PTPN6: variants seen among roughly 807,000 people sequenced by gnomAD.
PTPN6 encodes protein tyrosine phosphatase non-receptor type 6.
PTPN6 carries 18 observed loss-of-function variants against 81.5 expected under a neutral mutation model. The ratio of observed to expected loss-of-function variants is 0.22; its 90% CI spans 0.15 to 0.33. The LOEUF is 0.33. Among genes scored for constraint, PTPN6 ranks in the 10% least tolerant of loss-of-function variants. The pLI, the probability that PTPN6 is intolerant of heterozygous loss-of-function variation, is 1.00. For synonymous variants in PTPN6, 301 were observed against 310.9 expected, an observed-to-expected ratio of 0.97 and a Z score of 0.33; for missense variants, 500 against 794.2, an observed-to-expected ratio of 0.63 and a Z score of 4.45.
In PTPN6 at chr12:6,955,025, G is replaced by A. The variant is rs781839508; in HGVS notation, c.516+31G>A. ...GCAGCCAGGCGGCGGGGGAGCCTCTGCTGAGGCTCCTGTCTGTGACCACAG... is the reference window on the plus strand; with the variant it reads ...GCAGCCAGGCGGCGGGGGAGCCTCTACTGAGGCTCCTGTCTGTGACCACAG... On this transcript the variant is annotated intron_variant, in intron 4 of 15. Coordinates refer to ENST00000318974, the MANE Select transcript of PTPN6 (RefSeq NM_002831.6). The surrounding 1 kb of genome is among the most constrained non-coding windows in gnomAD (Gnocchi z 7.2). 3.7e-6 allele frequency: 6 copies of A among 1,613,100 alleles called. No homozygotes were observed. The African/African-American group carries it at 4.0e-5, about 11-fold the overall frequency.
In PTPN6 at chr12:6,956,821, G is replaced by A. The variant is rs781887181; in HGVS notation, c.1074+253G>A. Among the ~76,000 whole-genome samples the A allele has an allele frequency of 6.6e-6, 1 of 151,906 alleles. No individual in the cohort carries two copies. Among genetic ancestry groups the A allele is most frequent in the African/African-American group, 2.4e-5 (1 of 41,392 alleles). On this transcript the variant is annotated intron_variant, in intron 9 of 15. Transcript: ENST00000318974. This position sits in a 1 kb window ranked among gnomAD's most constrained non-coding sequence, Gnocchi z 4.1. ...CCTTCCTCCTACCCCTGCCCCACCT[G>A]TCTGCATCCAGGCCCCTCCTGTCCT...
Position 6,951,496 on chromosome 12 carries a change from C to T in PTPN6, c.-17C>T. 6.2e-7 allele frequency: 1 copy of T among 1,613,900 alleles called. No homozygotes were observed. Among genetic ancestry groups the T allele is most frequent in the African/African-American group, 1.3e-5 (1 of 75,034 alleles). Reference sequence around the variant, plus strand: ...TCCTCATTCCCTGCGCCCCCTTCCTCTCCGGAAGCCCCCAGGATGGTGAGG... The same window carrying T: ...TCCTCATTCCCTGCGCCCCCTTCCTTTCCGGAAGCCCCCAGGATGGTGAGG... On this transcript the variant is annotated 5_prime_UTR_variant, in exon 1 of 16. Transcript: ENST00000318974. The surrounding 1 kb of genome is among the most constrained non-coding windows in gnomAD (Gnocchi z 7.2).
Position 6,960,417 on chromosome 12 carries a change from C to G in PTPN6, c.1655C>G (p.Ala552Gly). The G allele has an allele frequency of 6.2e-7, 1 of 1,613,812 alleles. No homozygotes were observed. Among genetic ancestry groups the G allele is most frequent in the Non-Finnish European group, 8.5e-7 (1 of 1,179,994 alleles). The change falls in exon 14 of 16, where the codon GCC (alanine) becomes GGC (glycine). Residue 552 changes from alanine to glycine, a missense_variant. Physicochemically the swap from Ala to Gly is moderately conservative, Grantham distance 60. Coordinates refer to ENST00000318974, the MANE Select transcript of PTPN6 (RefSeq NM_002831.6). This position sits in a 1 kb window ranked among gnomAD's most constrained non-coding sequence, Gnocchi z 6.1. ...PPAMKNAHAK[A>G]SRTSSKHKED... ...GCCATGAAGAATGCCCATGCCAAGG[C>G]CTCCCGCACCTCGTCCAAGTGAGTG...
chr12:6,948,771 TCAACTAAAGATA>T (rs1269850921), upstream of PTPN6, among the ~76,000 whole-genome samples: 2 of 151,270 alleles, frequency 1.3e-5, no homozygotes, highest in Non-Finnish European at 2.9e-5. Context: ...AAACCCTGTC[TCAACTAAAGATA>T]CAAAAAAAAA....
Position 6,956,021 on chromosome 12 carries a change from C to T in PTPN6, c.845-121C>T. On this transcript the variant is annotated intron_variant, in intron 7 of 15. Coordinates refer to ENST00000318974, the MANE Select transcript of PTPN6 (RefSeq NM_002831.6). This position sits in a 1 kb window ranked among gnomAD's most constrained non-coding sequence, Gnocchi z 4.1. ...ATCCCCCACCCCTGCTGCCCACAGT[C>T]CCCCGCAAGCCTCATGGCTTCTGAG... The T allele has an allele frequency of 9.9e-7, 1 of 1,015,102 alleles. No homozygotes were observed. Among genetic ancestry groups the T allele is most frequent in the Admixed American group, 1.9e-5 (1 of 51,446 alleles). The allele number at this position is 1,015,102 out of a possible 1,614,324, so 62.9% of individuals were successfully genotyped here.
rs782258923 is a variant in PTPN6 at position 6,951,672 on chromosome 12, C to T, written c.72C>T (p.His24=). 2.2e-5 allele frequency: 35 copies of T among 1,613,816 alleles called. No homozygotes were observed. The East Asian group carries it at 2.2e-4, about 10-fold the overall frequency. ...CCCTGCTCAAGGGCCGAGGTGTCCA[C>T]GGTAGCTTCCTGGCTCGGCCCAGTC... ...AETLLKGRGV[H]GSFLARPSRK... Residue 24 remains histidine (H), a synonymous_variant, in exon 2 of 16, where the codon CAC becomes CAT. Transcript: ENST00000318974. The surrounding 1 kb of genome is among the most constrained non-coding windows in gnomAD (Gnocchi z 7.2).
rs782608226 is a variant in PTPN6, at chr12:6,960,027, G to A, written c.1429+33G>A. On this transcript the variant is annotated intron_variant, in intron 12 of 15. Transcript: ENST00000318974. The surrounding 1 kb of genome is among the most constrained non-coding windows in gnomAD (Gnocchi z 6.1). ...GCACCTGGGGGTTTGGGGGTGGGGG[G>A]TGAGCAGCCCCTCGGTGTCCGCCTA... 6.2e-7 allele frequency: 1 copy of A among 1,611,890 alleles called. No homozygotes were observed. The highest frequency in any genetic ancestry group is 1.1e-5 in the South Asian group (1 of 91,048).
In PTPN6 at chr12:6,956,023, C is replaced by A. The variant is rs1946023602; in HGVS notation, c.845-119C>A. ...CCCCCACCCCTGCTGCCCACAGTCC[C>A]CCGCAAGCCTCATGGCTTCTGAGAC... On this transcript the variant is annotated intron_variant, in intron 7 of 15. Transcript: ENST00000318974. The surrounding 1 kb of genome is among the most constrained non-coding windows in gnomAD (Gnocchi z 4.1). 9.6e-7 allele frequency: 1 copy of A among 1,043,606 alleles called. No homozygotes were observed. The highest frequency in any genetic ancestry group is 1.5e-6 in the Non-Finnish European group (1 of 679,306). The allele number at this position is 1,043,606 out of a possible 1,614,324, so 64.6% of individuals were successfully genotyped here. A position where few individuals can be genotyped will look rare whatever the true frequency, so the allele number is the denominator to read the frequency against.
Position 6,955,144 on chromosome 12 carries a change from C to T in PTPN6, c.517-7C>T, listed in dbSNP as rs1555148367. On this transcript the variant is annotated splice_polypyrimidine_tract_variant and splice_region_variant and intron_variant, in intron 4 of 15. Transcript: ENST00000318974. This position sits in a 1 kb window ranked among gnomAD's most constrained non-coding sequence, Gnocchi z 7.2. Reference sequence around the variant, plus strand: ...TCCTGTGAATGGCCTAATTTGGCTCCCCCCAGGGTGGACGCTACACAGTGG... The same window carrying T: ...TCCTGTGAATGGCCTAATTTGGCTCTCCCCAGGGTGGACGCTACACAGTGG... 5.0e-6 allele frequency: 8 copies of T among 1,613,916 alleles called. No homozygotes were observed. Among genetic ancestry groups the T allele is most frequent in the African/African-American group, 1.3e-5 (1 of 74,912 alleles).
chr12:6,951,043 C>T (rs191599209), upstream of PTPN6, among the ~76,000 whole-genome samples: 6 of 152,286 alleles, frequency 3.9e-5, no homozygotes, highest in East Asian at 1.9e-4. The surrounding 1 kb of genome is among the most constrained non-coding windows in gnomAD (Gnocchi z 7.2). Flanking sequence ...GGGAGGGCTG[C>T]GTAAAAGCAG....
chr12:6,956,349 G>A lies in PTPN6; in HGVS notation c.925-70G>A, dbSNP rs782392560. The A allele has an allele frequency of 1.9e-6, 3 of 1,612,900 alleles. No homozygotes were observed. In the East Asian group the frequency reaches 6.7e-5, roughly 36 times the overall value. ...GCTTCTTGCATGGGTGAGGGTGGCA[G>A]TGGTTCAGGGCCTGTGCTGGGCCAA... On this transcript the variant is annotated intron_variant, in intron 8 of 15. Transcript: ENST00000318974. This position sits in a 1 kb window ranked among gnomAD's most constrained non-coding sequence, Gnocchi z 4.1.
rs62621988 is a variant in PTPN6, at chr12:6,958,063, G to A, written c.1351G>A (p.Val451Met). ...ESLPHAGPIIVHCSAGIGRTG... is the reference protein window; with the variant it reads ...ESLPHAGPIIMHCSAGIGRTG... The stretch of plus-strand genomic sequence containing the variant: ...TCTGCCTCACGCAGGGCCCATCATC[G>A]TGCACTGCAGGTGAGGATGATAATC... Residue 451 changes from valine (V) to methionine (M), a missense_variant, in exon 11 of 16, where the codon GTG becomes ATG. Physicochemically the swap from Val to Met is conservative, Grantham distance 21. Around this residue, in one of 6 missense-constraint regions of PTPN6, gnomAD observed 226 missense variants for 364.4 expected, o/e 0.62. Coordinates refer to ENST00000318974, the MANE Select transcript of PTPN6 (RefSeq NM_002831.6). 1.1e-3 allele frequency: 1,773 copies of A among 1,611,490 alleles called. No homozygotes were observed. The highest frequency in any genetic ancestry group is 1.4e-3 in the Non-Finnish European group (1,654 of 1,180,014).
rs1555149633 is a variant in PTPN6 at position 6,960,395 on chromosome 12, A to G, written c.1633A>G (p.Met545Val). 6.2e-7 allele frequency: 1 copy of G among 1,613,782 alleles called. No individual in the cohort carries two copies. The highest frequency in any genetic ancestry group is 1.1e-5 in the South Asian group (1 of 91,064). Residue 545 changes from methionine to valine, a missense_variant, in exon 14 of 16, where the codon ATG becomes GTG. Transcript: ENST00000318974. This position sits in a 1 kb window ranked among gnomAD's most constrained non-coding sequence, Gnocchi z 6.1. ...CGGGAACATCACCTATCCCCCAGCC[A>G]TGAAGAATGCCCATGCCAAGGCCTC... ...EYGNITYPPA[M>V]KNAHAKASRT...
Position 6,959,529 on chromosome 12 carries a change from A to C in PTPN6, c.1362-398A>C, listed in dbSNP as rs1946090681. On this transcript the variant is annotated intron_variant, in intron 11 of 15. Coordinates refer to ENST00000318974, the MANE Select transcript of PTPN6 (RefSeq NM_002831.6). The surrounding 1 kb of genome is among the most constrained non-coding windows in gnomAD (Gnocchi z 6.6). ...TTTGAAGGAAAAGGGAAGTGAAGCCATGCTGAGAGACGCTCCATAACTCCT... is the reference window on the plus strand; with the variant it reads ...TTTGAAGGAAAAGGGAAGTGAAGCCCTGCTGAGAGACGCTCCATAACTCCT... 2.8e-6 allele frequency: 1 copy of C among 362,110 alleles called. No individual in the cohort carries two copies. The highest frequency in any genetic ancestry group is 2.1e-5 in the African/African-American group (1 of 48,186). The allele number at this position is 362,110 out of a possible 1,614,324, so 22.4% of individuals were successfully genotyped here.
chr12:6,955,507 G>A lies in PTPN6; in HGVS notation c.747+22G>A. On this transcript the variant is annotated intron_variant, in intron 6 of 15. Coordinates refer to ENST00000318974, the MANE Select transcript of PTPN6 (RefSeq NM_002831.6). The surrounding 1 kb of genome is among the most constrained non-coding windows in gnomAD (Gnocchi z 7.2). ...TGAGGTGCATGGTGGGGACCGGCAG[G>A]GCTGGGGCAGCTGAGGTGGTGGCAG... 1 of 1,610,502 alleles carries A rather than the reference G, an allele frequency of 6.2e-7. No individual in the cohort carries two copies. Among genetic ancestry groups the A allele is most frequent in the Non-Finnish European group, 8.5e-7 (1 of 1,177,172 alleles).
At position 6,952,291 on chromosome 12, in the gene PTPN6, C is replaced by A; in HGVS notation, c.326+114C>A. ...GCGCTGCCTACCCTCCATCCCCTCC[C>A]CTCCCTGCACCAGCTGGGGCTCTCA... On this transcript the variant is annotated intron_variant, in intron 3 of 15. Transcript: ENST00000318974. The surrounding 1 kb of genome is among the most constrained non-coding windows in gnomAD (Gnocchi z 8.1). 1 of 1,268,048 alleles carries A rather than the reference C, an allele frequency of 7.9e-7. No individual in the cohort carries two copies. Among genetic ancestry groups the A allele is most frequent in the Admixed American group, 1.8e-5 (1 of 56,198 alleles). The allele number at this position is 1,268,048 out of a possible 1,614,324, so 78.5% of individuals were successfully genotyped here.
upstream of PTPN6, among the ~76,000 whole-genome samples, chr12:6,950,272 C>T (rs1244469720): frequency 6.6e-6 from 1 of 151,834 alleles, no homozygotes; most frequent in East Asian, 2.0e-4. Context: ...TGTCCTCCAG[C>T]CACCCAGTTT....
chr12:6,953,767 T>C (rs1411278674), intron 3 of PTPN6, among the ~76,000 whole-genome samples: 8 of 152,038 alleles, frequency 5.3e-5, no homozygotes, highest in Non-Finnish European at 1.0e-4. Context: ...TCCTAGCCTG[T>C]CCCCAGGCGG....
chr12:6,960,463 G>T lies in PTPN6; in HGVS notation c.1673+28G>T, dbSNP rs782792941. The T allele has an allele frequency of 3.8e-6, 6 of 1,598,644 alleles. No homozygotes were observed. Among genetic ancestry groups the T allele is most frequent in the Non-Finnish European group, 5.1e-6 (6 of 1,167,340 alleles). ...GAGTGGCCCTGACTGCCACTGCCCG[G>T]CATCCACCCCTTTGTCCTGCCCAGC... is the stretch of plus-strand genomic sequence containing the variant. On this transcript the variant is annotated intron_variant, in intron 14 of 15. Coordinates refer to ENST00000318974, the MANE Select transcript of PTPN6 (RefSeq NM_002831.6). This position sits in a 1 kb window ranked among gnomAD's most constrained non-coding sequence, Gnocchi z 6.1.
Sources: allele counts gnomAD v4.1 joint callset (sites outside exome capture counted in the v4.1 genomes callset), GRCh38; gene constraint gnomAD v4.1.1; regional missense constraint gnomAD v4.1.1; non-coding constraint Gnocchi (gnomAD v3.1); transcripts MANE v1.5; gene names NCBI Gene and HGNC (gene_info 2026-07-23, HGNC 2026-07-21).